The following STX17 variants were observed in gnomAD, a reference collection of about 807,000 sequenced individuals.
The protein encoded by STX17 is syntaxin-17.
Under a neutral mutation model 35.9 loss-of-function variants are expected in STX17, and 29 were observed. That is an observed-to-expected ratio of 0.81 (90% CI 0.60 to 1.10). STX17 has a LOEUF of 1.10. STX17 is among the 50% of genes least tolerant of loss of function. The probability of loss-of-function intolerance (pLI) is 0.00; values close to 1 mark genes in which losing one functional copy is unlikely to be tolerated. For synonymous variants in STX17, 92 were observed against 118.3 expected (o/e 0.78, Z 1.44); for missense variants, 312 against 352.3 (o/e 0.89, Z 0.92).
At position 99,973,998 on chromosome 9, in the gene STX17, A is replaced by G. The variant is rs971464039; in HGVS notation, c.*5325A>G. Among the ~76,000 whole-genome samples the G allele has an allele frequency of 1.3e-5, 2 of 152,310 alleles. No individual in the cohort carries two copies. The highest frequency in any genetic ancestry group is 2.1e-4 in the South Asian group (1 of 4,830). ...ATTTTTCTGGTCTAAAATAATTTCT[A>G]TATTACTTTATAATAGTCAGCTGGG... On this transcript the variant is annotated 3_prime_UTR_variant, in exon 8 of 8. Transcript: ENST00000259400.
intron 4 of STX17, among the ~76,000 whole-genome samples, chr9:99,954,491 G>A (rs1454543405): frequency 1.1e-4 from 16 of 152,036 alleles, no homozygotes; most frequent in Admixed American, 1.0e-3. Context: ...AGGAAAGCAA[G>A]TAACTAATTT....
chr9:99,951,403 AT>A, intron 4 of STX17, 118 bp downstream of exon 4: 1 of 875,916 alleles, frequency 1.1e-6, no homozygotes, highest in Non-Finnish European at 1.7e-6. Flanking sequence ...CTATCCCAAT[AT>A]GCTGAATCCT....
intron 2 of STX17, among the ~76,000 whole-genome samples, chr9:99,918,436 T>A (rs1050529927): frequency 1.3e-5 from 2 of 152,088 alleles, no homozygotes; most frequent in African/African-American, 4.8e-5. Flanking sequence ...ATGTCTGGCC[T>A]CTCCTTTTCT....
In STX17 at chr9:99,968,786, T is replaced by G; in HGVS notation, c.*113T>G. 3 of 1,468,940 alleles carry G rather than the reference T, an allele frequency of 2.0e-6. No individual in the cohort carries two copies. Among genetic ancestry groups the G allele is most frequent in the Non-Finnish European group, 2.8e-6 (3 of 1,089,502 alleles). 91.0% of individuals were successfully genotyped at this position (1,468,940 alleles called of 1,614,324 possible). ...AGTATATCAAGATAGTGGCTACTGA[T>G]GTTCAAGTGGGATTGAAGTGTGATA... On this transcript the variant is annotated 3_prime_UTR_variant, in exon 8 of 8. Coordinates refer to ENST00000259400, the MANE Select transcript of STX17 (RefSeq NM_017919.3).
intron 2 of STX17, among the ~76,000 whole-genome samples, chr9:99,925,858 C>T (rs1828976179): frequency 6.6e-6 from 1 of 151,842 alleles, no homozygotes; most frequent in Non-Finnish European, 1.5e-5. Context: ...GTCCTTTGAG[C>T]TTCTTGGATC....
In STX17 at chr9:99,932,607, G is replaced by T. The variant is rs146419673; in HGVS notation, c.189+3764G>T. On this transcript the variant is annotated intron_variant, in intron 3 of 7. Transcript: ENST00000259400. ...CTATCATTTAAAAATCACATGATTTGGTTGAGACATTGGCTATGATCAAAG... is the reference window on the plus strand; with the variant it reads ...CTATCATTTAAAAATCACATGATTTTGTTGAGACATTGGCTATGATCAAAG... Among the ~76,000 whole-genome samples, 132 of 152,188 alleles carry T rather than the reference G, an allele frequency of 8.7e-4. 1 individual carries two copies. The highest frequency in any genetic ancestry group is 5.6e-3 in the South Asian group (27 of 4,822).
At chr9:99,932,074 G>A (rs577881914) in intron 3 of STX17, among the ~76,000 whole-genome samples, 2 of 152,212 alleles carry the variant, frequency 1.3e-5, no homozygotes, top group East Asian at 1.9e-4. Context: ...CGGCAGGTAG[G>A]TGCTTATCTT....
chr9:99,947,907 A>G (rs1047186604), intron 3 of STX17, among the ~76,000 whole-genome samples: 8 of 149,896 alleles, frequency 5.3e-5, no homozygotes, highest in African/African-American at 1.7e-4. Context: ...CTTGTCCTAT[A>G]GTTACTTACT....
chr9:99,912,512 T>C (rs1015840010), intron 1 of STX17, among the ~76,000 whole-genome samples: 2 of 152,236 alleles, frequency 1.3e-5, no homozygotes, highest in Non-Finnish European at 2.9e-5. Context: ...ACATTCTAGA[T>C]ATTAGTCCCT....
At chr9:99,926,699 C>T (rs1335799509) in intron 2 of STX17, among the ~76,000 whole-genome samples, 1 of 152,072 alleles carries the variant, frequency 6.6e-6, no homozygotes, top group Non-Finnish European at 1.5e-5. Context: ...GGGGTTTCAC[C>T]ATATTAGCCA....
chr9:99,911,056 G>T (rs1828651516), intron 1 of STX17, among the ~76,000 whole-genome samples: 1 of 149,530 alleles, frequency 6.7e-6, no homozygotes, highest in South Asian at 2.1e-4. Context: ...TTTCTCCCTA[G>T]ACGGAGTCTC....
chr9:99,948,035 C>T (rs1829518969), intron 3 of STX17, among the ~76,000 whole-genome samples: 2 of 151,210 alleles, frequency 1.3e-5, no homozygotes, highest in African/African-American at 4.9e-5. Flanking sequence ...TAGTCTGAAT[C>T]ACCTAGCCTG....
At chr9:99,949,192 C>T (rs1256957139) in intron 3 of STX17, among the ~76,000 whole-genome samples, 1 of 152,020 alleles carries the variant, frequency 6.6e-6, no homozygotes, top group Non-Finnish European at 1.5e-5. Flanking sequence ...TTAATACCTA[C>T]ATTTCACATA....
At chr9:99,930,331 A>C (rs1228142240) in intron 3 of STX17, among the ~76,000 whole-genome samples, 13 of 151,220 alleles carry the variant, frequency 8.6e-5, no homozygotes, top group Non-Finnish European at 1.9e-4. Flanking sequence ...GCAGTGGCTC[A>C]ATCTCGGCTC....
intron 4 of STX17, among the ~76,000 whole-genome samples, chr9:99,958,477 G>A (rs1829758018): frequency 6.6e-6 from 1 of 152,170 alleles, no homozygotes. Context: ...AATTTATTGA[G>A]CACTTGTACT....
chr9:99,934,164 A>G (rs768458172), intron 3 of STX17, among the ~76,000 whole-genome samples: 2 of 152,160 alleles, frequency 1.3e-5, no homozygotes, highest in Non-Finnish European at 2.9e-5. Context: ...AGCTGAAGAG[A>G]TTTAGTGTTT....
rs1830066073 is a variant in STX17 at position 99,974,330 on chromosome 9, T to C, written c.*5657T>C. On this transcript the variant is annotated 3_prime_UTR_variant, in exon 8 of 8. Coordinates refer to ENST00000259400, the MANE Select transcript of STX17 (RefSeq NM_017919.3). ...GGTTAATCACTAAAAAGGTGTTTACTTGGGTTTCGTTAACTAAACCCCCTA... is the reference window on the plus strand; with the variant it reads ...GGTTAATCACTAAAAAGGTGTTTACCTGGGTTTCGTTAACTAAACCCCCTA... 6.6e-6 allele frequency among the ~76,000 whole-genome samples: 1 copy of C among 152,246 alleles called. No homozygotes were observed. The highest frequency in any genetic ancestry group is 2.4e-5 in the African/African-American group (1 of 41,466).
At chr9:99,962,883 G>C (rs1233564967) in intron 6 of STX17, among the ~76,000 whole-genome samples, 2 of 152,176 alleles carry the variant, frequency 1.3e-5, no homozygotes, top group Non-Finnish European at 2.9e-5. Flanking sequence ...TTTAGGCACA[G>C]AATGACCTAG....
chr9:99,908,214 C>T (rs1227037354), intron 1 of STX17, among the ~76,000 whole-genome samples: 2 of 152,058 alleles, frequency 1.3e-5, no homozygotes, highest in Non-Finnish European at 2.9e-5. Flanking sequence ...TGGGATTCTC[C>T]AATGTAAAGG....
Sources: allele counts gnomAD v4.1 joint callset (sites outside exome capture counted in the v4.1 genomes callset), GRCh38; gene constraint gnomAD v4.1.1; transcripts MANE v1.5; gene names NCBI Gene and HGNC (gene_info 2026-07-23, HGNC 2026-07-21).